RPH3A: variants seen among roughly 807,000 people sequenced by gnomAD.
RPH3A encodes rabphilin-3A.
A neutral mutation model predicts 102.2 loss-of-function variants in RPH3A; 48 were observed. That is an observed-to-expected ratio of 0.47 (90% CI 0.37 to 0.60). RPH3A has a LOEUF of 0.60. Among genes scored for constraint, RPH3A ranks in the 20% least tolerant of loss-of-function variants. The probability of loss-of-function intolerance (pLI) is 0.00; values close to 1 mark genes in which losing one functional copy is unlikely to be tolerated. For missense variants in RPH3A, 781 were observed against 910.1 expected (o/e 0.86, Z 1.83); for synonymous variants, 310 against 324.3 (o/e 0.96, Z 0.47).
At chr12:112,696,945 T>C (rs1451451376) in intron 1 of RPH3A, among the ~76,000 whole-genome samples, 2 of 152,064 alleles carry the variant, frequency 1.3e-5, no homozygotes, top group Non-Finnish European at 2.9e-5. Flanking sequence ...ATGCTTATTC[T>C]TTATAATATT....
chr12:112,718,214 T>A (rs2040526840), intron 1 of RPH3A: 1 of 152,222 alleles, frequency 6.6e-6, no homozygotes, highest in Non-Finnish European at 1.5e-5. Context: ...AAGATCTGCC[T>A]TCAATTAGCC....
In RPH3A at chr12:112,847,725, G is replaced by C; in HGVS notation, c.113G>C (p.Gly38Ala). ...QLQAGWSVHP[G>A]GQPDRQRKQE... Reference sequence around the variant, plus strand: ...CAGGCAGGCTGGTCCGTCCACCCCGGTGGTCAGCCTGACAGGCAGAGGAAG... The same window carrying C: ...CAGGCAGGCTGGTCCGTCCACCCCGCTGGTCAGCCTGACAGGCAGAGGAAG... Residue 38 changes from glycine to alanine, a missense_variant, in exon 5 of 22, where the codon GGT becomes GCT. By Grantham distance (60) the Gly-to-Ala change is moderately conservative. This residue lies in a region of RPH3A where 730 missense variants were observed against 810.0 expected (regional missense o/e 0.90). Transcript: ENST00000389385. The C allele has an allele frequency of 6.2e-7, 1 of 1,614,132 alleles. No individual in the cohort carries two copies. Among genetic ancestry groups the C allele is most frequent in the Non-Finnish European group, 8.5e-7 (1 of 1,180,026 alleles).
At chr12:112,620,159 A>C (rs1213643575) in intron 1 of RPH3A, among the ~76,000 whole-genome samples, 1 of 152,188 alleles carries the variant, frequency 6.6e-6, no homozygotes, top group Non-Finnish European at 1.5e-5. Flanking sequence ...AATGTTTCCC[A>C]GTAGTTCCTG....
At chr12:112,620,738 TCTTG>T (rs2039715654) in intron 1 of RPH3A, among the ~76,000 whole-genome samples, 1 of 152,206 alleles carries the variant, frequency 6.6e-6, no homozygotes, top group Non-Finnish European at 1.5e-5. Flanking sequence ...CCTTCCGTGG[TCTTG>T]CCACTGCCAT....
chr12:112,769,114 A>G (rs1031111619), intron 1 of RPH3A, among the ~76,000 whole-genome samples: 3 of 152,164 alleles, frequency 2.0e-5, no homozygotes, highest in African/African-American at 7.2e-5. Context: ...CACAGTCAGT[A>G]TTCAATATTT....
chr12:112,724,025 TACTTA>T (rs922438548), intron 1 of RPH3A, among the ~76,000 whole-genome samples: 3 of 151,730 alleles, frequency 2.0e-5, no homozygotes, highest in Non-Finnish European at 4.4e-5. Flanking sequence ...AATTATGACA[TACTTA>T]ACTTTTTCTT....
chr12:112,757,552 A>C (rs984796405), intron 1 of RPH3A, among the ~76,000 whole-genome samples: 1 of 152,234 alleles, frequency 6.6e-6, no homozygotes. Flanking sequence ...CGTTGTATAC[A>C]TGTATTGAGA....
intron 10 of RPH3A, 162 bp from the exon 11 acceptor site, chr12:112,874,922 A>T: frequency 3.4e-6 from 2 of 588,748 alleles, no homozygotes; most frequent in South Asian, 2.1e-5. Context: ...AAGAAAGAAC[A>T]CACTGAAGGC....
At chr12:112,864,447 T>TAAAAA in intron 5 of RPH3A, among the ~76,000 whole-genome samples, 1 of 49,418 alleles carries the variant, frequency 2.0e-5, no homozygotes, top group African/African-American at 7.7e-5. Flanking sequence ...CAAGACTCTG[T>TAAAAA]CAAAAAAAAA....
At chr12:112,726,348 C>T (rs1440708448) in intron 1 of RPH3A, among the ~76,000 whole-genome samples, 1 of 152,058 alleles carries the variant, frequency 6.6e-6, no homozygotes, top group African/African-American at 2.4e-5. Context: ...CTCCTGACCT[C>T]AGGTGATCTG....
intron 5 of RPH3A, among the ~76,000 whole-genome samples, chr12:112,848,096 T>G (rs2042261668): frequency 6.6e-6 from 1 of 152,116 alleles, no homozygotes; most frequent in Non-Finnish European, 1.5e-5. Context: ...GAGGAGGTTC[T>G]TGGCTGGGGG....
At chr12:112,644,119 G>T (rs76512499) in intron 1 of RPH3A, among the ~76,000 whole-genome samples, 1,818 of 152,274 alleles carry the variant, frequency 0.012, 36 homozygotes, top group African/African-American at 0.041. Flanking sequence ...GTAGAGAGTG[G>T]AATAATAAAC....
At chr12:112,775,779 G>A (rs1312475520) in intron 1 of RPH3A, among the ~76,000 whole-genome samples, 2 of 152,086 alleles carry the variant, frequency 1.3e-5, no homozygotes, top group South Asian at 4.2e-4. Flanking sequence ...ATAAAAAATG[G>A]GGCAGTGGTG....
At chr12:112,737,860 T>C (rs1214550946) in intron 1 of RPH3A, among the ~76,000 whole-genome samples, 1 of 152,222 alleles carries the variant, frequency 6.6e-6, no homozygotes, top group African/African-American at 2.4e-5. Context: ...AAACTGTTGC[T>C]GGTCTGTGAG....
chr12:112,599,316 T>C (rs1386398730), intron 1 of RPH3A, among the ~76,000 whole-genome samples: 1 of 152,190 alleles, frequency 6.6e-6, no homozygotes, highest in African/African-American at 2.4e-5. Context: ...TTGTAGCCTC[T>C]GAAATAGAAG....
At chr12:112,717,112 T>C (rs2040518277) in intron 1 of RPH3A, among the ~76,000 whole-genome samples, 2 of 152,256 alleles carry the variant, frequency 1.3e-5, no homozygotes, top group African/African-American at 4.8e-5. Flanking sequence ...TAAGATATTT[T>C]GGATTTGTGG....
Position 112,755,600 on chromosome 12 carries a change from T to G in RPH3A, c.-139-36543T>G, listed in dbSNP as rs181699458. 5.3e-5 allele frequency among the ~76,000 whole-genome samples: 8 copies of G among 152,270 alleles called. No individual in the cohort carries two copies. The East Asian group carries it at 1.4e-3, about 26-fold the overall frequency. On this transcript the variant is annotated intron_variant, in intron 1 of 21. Transcript: ENST00000543106. Reference sequence around the variant, plus strand: ...TTGCCCTCTTGAGCTCCATGATCCCTCGTGAGAAGAGCATGCCCTGGTTAA... The same window carrying G: ...TTGCCCTCTTGAGCTCCATGATCCCGCGTGAGAAGAGCATGCCCTGGTTAA...
intron 17 of RPH3A, among the ~76,000 whole-genome samples, 182 bp from the exon 18 acceptor site, chr12:112,889,842 C>G (rs1447053202): frequency 2.6e-5 from 4 of 152,132 alleles, no homozygotes; most frequent in African/African-American, 9.7e-5. Context: ...ACATAGCTTG[C>G]CATATGGCTA....
chr12:112,636,992 C>A (rs1829012209), intron 1 of RPH3A, among the ~76,000 whole-genome samples: 2 of 152,152 alleles, frequency 1.3e-5, no homozygotes, highest in Non-Finnish European at 2.9e-5. Flanking sequence ...GACTGTCCAC[C>A]CCACTTTGTT....
Sources: gnomAD v4.1 joint callset for allele counts (sites outside exome capture counted in the v4.1 genomes callset) on GRCh38, gnomAD v4.1.1 for gene constraint, gnomAD v4.1.1 regional missense constraint, MANE v1.5 for transcripts, NCBI Gene and HGNC (gene_info 2026-07-23, HGNC 2026-07-21) for gene names.